FSTL5: variants seen among roughly 807,000 people sequenced by gnomAD.
FSTL5 encodes the protein follistatin like 5, also known as follistatin-related protein 5.
A neutral mutation model predicts 89.1 loss-of-function variants in FSTL5; 62 were observed. The ratio of observed to expected loss-of-function variants is 0.70; its 90% confidence interval spans 0.57 to 0.86. The LOEUF (loss-of-function observed/expected upper bound fraction) is 0.86, where lower values mean the gene tolerates loss of function less well. FSTL5 is among the 40% of genes least tolerant of loss of function. The probability of loss-of-function intolerance (pLI) is 0.00; values close to 1 mark genes in which losing one functional copy is unlikely to be tolerated. For synonymous variants in FSTL5, 383 were observed against 346.2 expected (o/e 1.11, Z -1.18); for missense variants, 1,057 against 1,001.6 (o/e 1.06, Z -0.75).
chr4:161,789,233 T>A (rs985484898), intron 4 of FSTL5, among the ~76,000 whole-genome samples: 28 of 152,250 alleles, frequency 1.8e-4, no homozygotes, highest in African/African-American at 6.5e-4. Flanking sequence ...GATTGTCATT[T>A]TGTGTTAGTT....
chr4:161,924,494 G>C, intron 3 of FSTL5, among the ~76,000 whole-genome samples: 1 of 151,574 alleles, frequency 6.6e-6, no homozygotes, highest in South Asian at 2.1e-4. Context: ...TGGTATATTG[G>C]TTGGTATATG....
chr4:161,470,074 A>C (rs2126431943), intron 13 of FSTL5, among the ~76,000 whole-genome samples: 1 of 152,182 alleles, frequency 6.6e-6, no homozygotes, highest in Admixed American at 6.5e-5. Flanking sequence ...TGTTAATATT[A>C]TCTTTGAATG....
intron 3 of FSTL5, among the ~76,000 whole-genome samples, chr4:161,934,008 C>T (rs1297036770): frequency 6.6e-6 from 1 of 151,978 alleles, no homozygotes; most frequent in Non-Finnish European, 1.5e-5. Flanking sequence ...TTTTTCTATA[C>T]TGACCTAAGC....
chr4:162,141,178 G>A lies in FSTL5; in HGVS notation c.-17+22437C>T, dbSNP rs895723592. Among the ~76,000 whole-genome samples, 18 of 79,228 alleles carry A rather than the reference G, an allele frequency of 2.3e-4. 4 individuals carry two copies. Among genetic ancestry groups the A allele is most frequent in the Non-Finnish European group, 3.1e-4 (11 of 35,870 alleles). 52.0% of individuals were successfully genotyped at this position (79,228 alleles called of 152,430 possible). A position where few individuals can be genotyped will look rare whatever the true frequency, so the allele number is the denominator to read the frequency against. On this transcript the variant is annotated intron_variant, in intron 1 of 15. Coordinates refer to ENST00000306100, the MANE Select transcript of FSTL5 (RefSeq NM_020116.5). Reference sequence around the variant, plus strand: ...GTCGCCCAGGCTGGAGTGCAGTGGCGCGATCTCGACTCACTGCAAGCTCCG... The same window carrying A: ...GTCGCCCAGGCTGGAGTGCAGTGGCACGATCTCGACTCACTGCAAGCTCCG...
At chr4:161,884,006 T>C (rs1323904858) in intron 4 of FSTL5, among the ~76,000 whole-genome samples, 1 of 152,152 alleles carries the variant, frequency 6.6e-6, no homozygotes, top group East Asian at 1.9e-4. Flanking sequence ...CAGAATTTTA[T>C]ACATTCTTTT....
At chr4:162,097,295 C>T (rs13147769) in intron 2 of FSTL5, among the ~76,000 whole-genome samples, 2 of 151,422 alleles carry the variant, frequency 1.3e-5, no homozygotes, top group Admixed American at 1.3e-4. Flanking sequence ...GAAATGCTAG[C>T]GAAATAAATA....
intron 4 of FSTL5, among the ~76,000 whole-genome samples, chr4:161,854,859 C>T (rs927610732): frequency 6.6e-6 from 1 of 151,696 alleles, no homozygotes; most frequent in South Asian, 2.1e-4. Context: ...AAATATATTA[C>T]CCAAATTAAA....
intron 2 of FSTL5, among the ~76,000 whole-genome samples, chr4:162,078,174 G>C (rs1041048507): frequency 6.6e-6 from 1 of 151,804 alleles, no homozygotes; most frequent in Non-Finnish European, 1.5e-5. Flanking sequence ...CAGTAATCTG[G>C]ATGCGGATAT....
At chr4:161,739,936 AG>A (rs1295237159) in intron 6 of FSTL5, among the ~76,000 whole-genome samples, 1 of 152,164 alleles carries the variant, frequency 6.6e-6, no homozygotes, top group African/African-American at 2.4e-5. Flanking sequence ...TAAGTTCAAA[AG>A]GTAATTTGAG....
intron 1 of FSTL5, among the ~76,000 whole-genome samples, chr4:162,114,760 T>A (rs2111416616): frequency 6.6e-6 from 1 of 152,260 alleles, no homozygotes; most frequent in Non-Finnish European, 1.5e-5. Flanking sequence ...TACATTTCAC[T>A]AAAAGTCGAT....
At chr4:161,562,099 T>C (rs894209825) in intron 8 of FSTL5, among the ~76,000 whole-genome samples, 1 of 152,038 alleles carries the variant, frequency 6.6e-6, no homozygotes, top group Non-Finnish European at 1.5e-5. Flanking sequence ...GGACTCCAGT[T>C]CATGCTCATG....
chr4:161,474,793 C>T (rs916242700), intron 13 of FSTL5, among the ~76,000 whole-genome samples: 12 of 152,192 alleles, frequency 7.9e-5, no homozygotes, highest in African/African-American at 2.6e-4. Flanking sequence ...GATCCACCCA[C>T]CTCAGCCTCC....
intron 4 of FSTL5, among the ~76,000 whole-genome samples, chr4:161,804,600 G>T (rs549697479): frequency 6.6e-6 from 1 of 151,348 alleles, no homozygotes. Context: ...AAATATGGAT[G>T]AATTTATATT....
intron 2 of FSTL5, among the ~76,000 whole-genome samples, chr4:162,058,561 G>A (rs576700464): frequency 1.1e-3 from 172 of 151,550 alleles, no homozygotes; most frequent in African/African-American, 3.1e-3. Context: ...CCGAGTAGCT[G>A]GGATTACAGG....
intron 2 of FSTL5, among the ~76,000 whole-genome samples, chr4:162,103,223 G>C (rs905444214): frequency 1.3e-5 from 2 of 152,048 alleles, no homozygotes; most frequent in African/African-American, 4.8e-5. Context: ...CTCTAGAATA[G>C]GAAATAAAGT....
intron 8 of FSTL5, among the ~76,000 whole-genome samples, chr4:161,551,560 G>T (rs1464225495): frequency 6.6e-6 from 1 of 151,920 alleles, no homozygotes; most frequent in African/African-American, 2.4e-5. Flanking sequence ...AAAACTGGAG[G>T]CATCATGATA....
chr4:161,610,931 AC>A (rs1030587829), intron 7 of FSTL5, among the ~76,000 whole-genome samples: 24 of 151,774 alleles, frequency 1.6e-4, no homozygotes, highest in African/African-American at 5.6e-4. Context: ...ATTTTCACAG[AC>A]CTTTTCTCAT....
intron 6 of FSTL5, among the ~76,000 whole-genome samples, chr4:161,665,498 G>T (rs1437418925): frequency 6.6e-6 from 1 of 152,142 alleles, no homozygotes; most frequent in African/African-American, 2.4e-5. Context: ...CTCCCAAAGT[G>T]CTGGGATTAC....
chr4:162,120,869 T>C (rs1392695390), intron 1 of FSTL5, among the ~76,000 whole-genome samples: 1 of 151,984 alleles, frequency 6.6e-6, no homozygotes, highest in Non-Finnish European at 1.5e-5. Context: ...CATAGTAAAA[T>C]TGTTTTTACT....
Sources: allele counts gnomAD v4.1 joint callset (sites outside exome capture counted in the v4.1 genomes callset), GRCh38; gene constraint gnomAD v4.1.1; transcripts MANE v1.5; gene names NCBI Gene and HGNC (gene_info 2026-07-23, HGNC 2026-07-21).